PLA2G4A: variants seen among roughly 807,000 people sequenced by gnomAD.
PLA2G4A encodes the protein phospholipase A2 group IVA.
In PLA2G4A, 40 loss-of-function variants were observed where a neutral mutation model predicts 81.9. The observed-to-expected ratio is 0.49, with a 90% CI of 0.38 to 0.64. The LOEUF is 0.64. Ranked by LOEUF, PLA2G4A falls within the 30% of genes least tolerant of loss-of-function variation. The pLI is 0.00. For missense variants in PLA2G4A, 715 were observed against 905.1 expected, an observed-to-expected ratio of 0.79 and a Z score of 2.69; for synonymous variants, 302 against 296.9, an observed-to-expected ratio of 1.02 and a Z score of -0.18.
chr1:186,951,174 C>T (rs935153852), intron 13 of PLA2G4A, among the ~76,000 whole-genome samples: 3 of 152,028 alleles, frequency 2.0e-5, no homozygotes, highest in African/African-American at 7.2e-5. Flanking sequence ...CTACACCCTC[C>T]CTCTTGAGAA....
At chr1:186,978,529 G>T (rs1290155012) in intron 16 of PLA2G4A, among the ~76,000 whole-genome samples, 7 of 152,174 alleles carry the variant, frequency 4.6e-5, no homozygotes, top group Non-Finnish European at 1.0e-4. Context: ...ATTGATAGGA[G>T]TGAAGATTAT....
intron 6 of PLA2G4A, among the ~76,000 whole-genome samples, chr1:186,908,999 A>C (rs1571389972): frequency 1.0e-5 from 1 of 97,594 alleles, no homozygotes; most frequent in Non-Finnish European, 1.9e-5. Flanking sequence ...TTTGAGACGG[A>C]GTCTTGCCCT....
chr1:186,867,534 G>T (rs1653076014), intron 2 of PLA2G4A, among the ~76,000 whole-genome samples: 1 of 151,904 alleles, frequency 6.6e-6, no homozygotes, highest in Non-Finnish European at 1.5e-5. Flanking sequence ...ATTGACTTTT[G>T]TGTATTAATC....
intron 1 of PLA2G4A, among the ~76,000 whole-genome samples, chr1:186,837,565 T>TA (rs199536345): frequency 0.083 from 11,570 of 138,606 alleles, 1,553 homozygotes; most frequent in African/African-American, 0.29. Context: ...CCATCTGTAC[T>TA]AAAAAAAAAA....
At chr1:186,860,273 T>C (rs1652748886) in intron 2 of PLA2G4A, among the ~76,000 whole-genome samples, 1 of 152,182 alleles carries the variant, frequency 6.6e-6, no homozygotes, top group Admixed American at 6.6e-5. Flanking sequence ...CACACAATTA[T>C]GGAGGCTGAG....
intron 1 of PLA2G4A, among the ~76,000 whole-genome samples, chr1:186,836,332 G>A (rs1402757437): frequency 6.6e-6 from 1 of 150,498 alleles, no homozygotes; most frequent in Non-Finnish European, 1.5e-5. Flanking sequence ...ATATTAATAT[G>A]TACATAAGAT....
intron 17 of PLA2G4A, among the ~76,000 whole-genome samples, chr1:186,983,596 G>A (rs1354990988): frequency 6.6e-6 from 1 of 152,112 alleles, no homozygotes; most frequent in Non-Finnish European, 1.5e-5. Context: ...CAGCGGCCTG[G>A]GTTTCTCATA....
At chr1:186,956,677 C>A (rs1266138022) in intron 14 of PLA2G4A, among the ~76,000 whole-genome samples, 2 of 152,014 alleles carry the variant, frequency 1.3e-5, no homozygotes, top group African/African-American at 4.8e-5. Context: ...CCATACCCAG[C>A]TAATTTTTGT....
chr1:186,913,459 A>G (rs1259259529), intron 7 of PLA2G4A, among the ~76,000 whole-genome samples: 1 of 151,874 alleles, frequency 6.6e-6, no homozygotes, highest in African/African-American at 2.4e-5. Flanking sequence ...TTCTCTCTTT[A>G]TATATCTGTC....
intron 1 of PLA2G4A, among the ~76,000 whole-genome samples, chr1:186,841,356 A>G (rs1651972461): frequency 6.6e-6 from 1 of 152,210 alleles, no homozygotes; most frequent in Admixed American, 6.5e-5. Flanking sequence ...GTAACTTAAG[A>G]TTTTAGCCAA....
At chr1:186,865,229 A>G (rs1301424583) in intron 2 of PLA2G4A, among the ~76,000 whole-genome samples, 1 of 151,828 alleles carries the variant, frequency 6.6e-6, no homozygotes, top group African/African-American at 2.4e-5. Context: ...TGTCTTCTAG[A>G]GCTAACAAAT....
rs145040923 is a variant in PLA2G4A at position 186,964,363 on chromosome 1, A to G, written c.1580-1046A>G. 3.9e-5 allele frequency among the ~76,000 whole-genome samples: 6 copies of G among 152,248 alleles called. 1 individual carries two copies. The highest frequency in any genetic ancestry group is 3.3e-4 in the Admixed American group (5 of 15,290). ...TGAAGAGTAATGTGTTATCAGTATT[A>G]TTTTTTCATAAAATTGATGATCTCT... is the stretch of plus-strand genomic sequence containing the variant. On this transcript the variant is annotated intron_variant, in intron 14 of 17. Coordinates refer to ENST00000367466, the MANE Select transcript of PLA2G4A (RefSeq NM_024420.3).
chr1:186,939,340 C>A, intron 9 of PLA2G4A, 110 bp downstream of exon 9: 2 of 521,714 alleles, frequency 3.8e-6, no homozygotes, highest in Non-Finnish European at 3.3e-6. Context: ...AGTCAGTGGA[C>A]TCTACTTATT....
chr1:186,855,295 G>A (rs907426559), intron 2 of PLA2G4A, among the ~76,000 whole-genome samples: 1 of 151,690 alleles, frequency 6.6e-6, no homozygotes, highest in Admixed American at 6.6e-5. Context: ...GCTCATTACT[G>A]TTTTCTTGAA....
At chr1:186,872,390 G>A (rs1653309113) in intron 3 of PLA2G4A, among the ~76,000 whole-genome samples, 1 of 152,050 alleles carries the variant, frequency 6.6e-6, no homozygotes, top group Non-Finnish European at 1.5e-5. Flanking sequence ...GCTGTGTGTT[G>A]GAAAAGCCAT....
chr1:186,901,414 G>C (rs6698103), intron 5 of PLA2G4A, among the ~76,000 whole-genome samples: 29,043 of 152,042 alleles, frequency 0.19, 5,007 homozygotes, highest in African/African-American at 0.46. Context: ...GGAGTAGAAC[G>C]TGACTAGCTT....
At chr1:186,838,163 C>T (rs1001315846) in intron 1 of PLA2G4A, among the ~76,000 whole-genome samples, 4 of 152,078 alleles carry the variant, frequency 2.6e-5, no homozygotes, top group African/African-American at 7.2e-5. Context: ...TAGAGAACCT[C>T]TGTGGGTTTT....
chr1:186,853,513 T>G (rs1430246102), intron 1 of PLA2G4A, among the ~76,000 whole-genome samples: 1 of 151,866 alleles, frequency 6.6e-6, no homozygotes, highest in Non-Finnish European at 1.5e-5. Context: ...ATTTTAGAAT[T>G]TACATATTAA....
At chr1:186,914,685 G>A (rs1286726756) in intron 7 of PLA2G4A, among the ~76,000 whole-genome samples, 3 of 152,164 alleles carry the variant, frequency 2.0e-5, no homozygotes, top group Non-Finnish European at 2.9e-5. Flanking sequence ...AACTGATTAG[G>A]TCAGGGGTTG....
Sources: gnomAD v4.1 joint callset for allele counts (sites outside exome capture counted in the v4.1 genomes callset) on GRCh38, gnomAD v4.1.1 for gene constraint, MANE v1.5 for transcripts, NCBI Gene and HGNC (gene_info 2026-07-23, HGNC 2026-07-21) for gene names.